The following LARP4 variants were observed in gnomAD, a reference collection of about 807,000 sequenced individuals.
The protein encoded by LARP4 is la-related protein 4.
LARP4 carries 29 observed loss-of-function variants against 92.9 expected under a neutral mutation model. The observed-to-expected ratio is 0.31, with a 90% CI of 0.23 to 0.43. The LOEUF is 0.43. Ranked by LOEUF, LARP4 falls within the 20% of genes least tolerant of loss-of-function variation. The pLI, the probability that LARP4 is intolerant of heterozygous loss-of-function variation, is 1.00. For synonymous variants in LARP4, 279 were observed against 284.1 expected (o/e 0.98, Z 0.18); for missense variants, 732 against 860.0 (o/e 0.85, Z 1.86).
At chr12:50,447,637 G>A (rs1952427119) in intron 8 of LARP4, among the ~76,000 whole-genome samples, 1 of 151,978 alleles carries the variant, frequency 6.6e-6, no homozygotes, top group African/African-American at 2.4e-5. Flanking sequence ...AGTACAGTGT[G>A]CGTGATCATA....
At chr12:50,412,669 C>T (rs190373455) in intron 1 of LARP4, among the ~76,000 whole-genome samples, 4 of 152,130 alleles carry the variant, frequency 2.6e-5, no homozygotes, top group Non-Finnish European at 5.9e-5. Flanking sequence ...ATCAGGACTG[C>T]CTTTGGCTTA....
chr12:50,437,764 G>T lies in LARP4; in HGVS notation c.565G>T (p.Gly189Cys), dbSNP rs768753799. The change falls in exon 6 of 16, where the codon GGT (glycine) becomes TGT (cysteine). Residue 189 changes from glycine to cysteine, a missense_variant. Gly to Cys is a radical substitution (Grantham distance 159). Coordinates refer to ENST00000398473, the MANE Select transcript of LARP4 (RefSeq NM_052879.5). ...SSPMVQVDEK[G>C]EKVRPSHKRC... ...TCCCATGGTACAAGTTGATGAGAAG[G>T]GTGAGAAAGTGAGACCAAGTCATAA... is the stretch of plus-strand genomic sequence containing the variant. The T allele has an allele frequency of 6.2e-7, 1 of 1,611,436 alleles. No individual in the cohort carries two copies. Among genetic ancestry groups the T allele is most frequent in the Non-Finnish European group, 8.5e-7 (1 of 1,178,034 alleles).
intron 5 of LARP4, among the ~76,000 whole-genome samples, chr12:50,436,174 G>GTATA (rs10599634): frequency 3.2e-4 from 44 of 136,690 alleles, no homozygotes; most frequent in African/African-American, 1.1e-3. Context: ...GTGTGTGTAT[G>GTATA]TATATATATA....
At chr12:50,441,382 T>TA (rs1951179687) in intron 7 of LARP4, 2 of 405,336 alleles carry the variant, frequency 4.9e-6, no homozygotes, top group Non-Finnish European at 8.9e-6. Context: ...TTGTCTGCAG[T>TA]AATCCATGGT....
chr12:50,426,719 G>T (rs1565986913), intron 1 of LARP4, among the ~76,000 whole-genome samples: 3 of 132,684 alleles, frequency 2.3e-5, no homozygotes, highest in African/African-American at 6.2e-5. Context: ...GTGTGTGTGT[G>T]TGTGTGTGTG....
intron 1 of LARP4, among the ~76,000 whole-genome samples, chr12:50,416,612 A>T (rs1946833744): frequency 6.6e-6 from 1 of 152,152 alleles, no homozygotes; most frequent in South Asian, 2.1e-4. Flanking sequence ...AGAGCCTGGG[A>T]GGCAGAGGCT....
chr12:50,461,694 C>T (rs1361975573), intron 11 of LARP4, among the ~76,000 whole-genome samples: 1 of 152,128 alleles, frequency 6.6e-6, no homozygotes, highest in Non-Finnish European at 1.5e-5. Flanking sequence ...CGGTGGCTCA[C>T]ACCTGTAATC....
intron 1 of LARP4, among the ~76,000 whole-genome samples, chr12:50,415,436 T>C (rs944983936): frequency 2.0e-5 from 3 of 152,160 alleles, no homozygotes; most frequent in African/African-American, 7.2e-5. Flanking sequence ...TTATTAAATA[T>C]TTAGTGAAAT....
chr12:50,404,022 T>C (rs1944349747), intron 1 of LARP4, among the ~76,000 whole-genome samples: 1 of 151,926 alleles, frequency 6.6e-6, no homozygotes, highest in Admixed American at 6.6e-5. Flanking sequence ...AGGTCAGGAG[T>C]TTGAGATCAG....
intron 4 of LARP4, among the ~76,000 whole-genome samples, chr12:50,434,778 C>T (rs1950177730): frequency 6.6e-6 from 1 of 152,070 alleles, no homozygotes; most frequent in Non-Finnish European, 1.5e-5. Context: ...GGTGCGCTGG[C>T]TCACGCCTGT....
chr12:50,423,324 T>C (rs906690754), intron 1 of LARP4, among the ~76,000 whole-genome samples: 3 of 152,212 alleles, frequency 2.0e-5, no homozygotes, highest in Non-Finnish European at 4.4e-5. Flanking sequence ...CATAATAGTT[T>C]ACATTTAACT....
chr12:50,426,691 G>A (rs1328237398), intron 1 of LARP4, among the ~76,000 whole-genome samples: 1 of 100,334 alleles, frequency 1.0e-5, no homozygotes. Flanking sequence ...TGGGGTGTGT[G>A]TGTGTGTGTG....
At chr12:50,450,560 A>G (rs868037080) in intron 8 of LARP4, among the ~76,000 whole-genome samples, 4 of 151,944 alleles carry the variant, frequency 2.6e-5, no homozygotes, top group African/African-American at 7.3e-5. Flanking sequence ...CCTTTTTCCC[A>G]TATGAAAATC....
At chr12:50,430,671 TA>T in intron 4 of LARP4, 101 bp downstream of exon 4, 1 of 669,374 alleles carries the variant, frequency 1.5e-6, no homozygotes, top group Non-Finnish European at 2.4e-6. Context: ...TTTTTTTTTT[TA>T]TTTTCTTGAG....
intron 3 of LARP4, among the ~76,000 whole-genome samples, chr12:50,430,000 A>G (rs1949410300): frequency 6.6e-6 from 1 of 152,186 alleles, no homozygotes; most frequent in Non-Finnish European, 1.5e-5. Context: ...TTAAACTAAT[A>G]TGAAATGTAT....
chr12:50,436,108 GTGTGTGTGTGTGATA>G (rs1172889477), intron 5 of LARP4, among the ~76,000 whole-genome samples: 1 of 138,608 alleles, frequency 7.2e-6, no homozygotes, highest in African/African-American at 2.7e-5. Flanking sequence ...GCTGGTGTGT[GTGTGTGTGTGTGATA>G]TGTGTGTGTG....
intron 8 of LARP4, among the ~76,000 whole-genome samples, chr12:50,442,633 CCTCTGTGTTGAA>C (rs997923449): frequency 4.6e-5 from 7 of 152,204 alleles, no homozygotes; most frequent in African/African-American, 1.4e-4. Flanking sequence ...CTTACTAATC[CCTCTGTGTTGAA>C]CTCTGTGTGT....
intron 13 of LARP4, among the ~76,000 whole-genome samples, chr12:50,472,481 G>A (rs1376656260): frequency 6.6e-6 from 1 of 151,304 alleles, no homozygotes; most frequent in Non-Finnish European, 1.5e-5. Flanking sequence ...CATGTTGAGC[G>A]TGAGTCAAGA....
intron 8 of LARP4, among the ~76,000 whole-genome samples, chr12:50,449,923 A>ATTTTTT (rs60763691): frequency 1.5e-4 from 7 of 47,046 alleles, no homozygotes; most frequent in African/African-American, 5.1e-4. Context: ...AGCCATAGCA[A>ATTTTTT]TTTTTTTTTT....
Sources: gnomAD v4.1 joint callset for allele counts (sites outside exome capture counted in the v4.1 genomes callset) on GRCh38, gnomAD v4.1.1 for gene constraint, MANE v1.5 for transcripts, NCBI Gene and HGNC (gene_info 2026-07-23, HGNC 2026-07-21) for gene names.